ZNF536: variants seen among roughly 807,000 people sequenced by gnomAD.
ZNF536 encodes zinc finger protein 536.
Under a neutral mutation model 84.5 loss-of-function variants are expected in ZNF536, and 13 were observed. That is an observed-to-expected ratio of 0.15 (90% CI 0.10 to 0.24). The LOEUF (loss-of-function observed/expected upper bound fraction) is 0.24, where lower values mean the gene tolerates loss of function less well. Among genes scored for constraint, ZNF536 ranks in the 10% least tolerant of loss-of-function variants. ZNF536 has a pLI of 1.00. For synonymous variants in ZNF536, 811 were observed against 742.5 expected (o/e 1.09, Z -1.50); for missense variants, 1,536 against 1,747.5 (o/e 0.88, Z 2.16).
At chr19:30,342,682 T>G (rs2047600932) in intron 2 of ZNF536, among the ~76,000 whole-genome samples, 1 of 152,188 alleles carries the variant, frequency 6.6e-6, no homozygotes, top group Non-Finnish European at 1.5e-5. Flanking sequence ...ATTCTGAACC[T>G]AAGATAATGC....
chr19:30,248,034 G>A (rs1309605496), intron 1 of ZNF536, among the ~76,000 whole-genome samples: 1 of 152,010 alleles, frequency 6.6e-6, no homozygotes, highest in Non-Finnish European at 1.5e-5. Context: ...GAAGTGAACC[G>A]ACCTGGCCCT....
At position 30,689,429 on chromosome 19, in the gene ZNF536, T is replaced by C. The variant is rs139969443; in HGVS notation, c.170-21328T>C. Among the ~76,000 whole-genome samples, 38 of 152,286 alleles carry C rather than the reference T, an allele frequency of 2.5e-4. 1 individual carries two copies. In the East Asian group the frequency reaches 6.6e-3, roughly 26 times the overall value. ...GCATACCCTGTCCAAACAGGAACAT[T>C]TTCTTTCAGGAAATGCTCATTGCTG... On this transcript the variant is annotated intron_variant, in intron 1 of 1. Transcript: ENST00000592773.
intron 1 of ZNF536, among the ~76,000 whole-genome samples, chr19:30,710,092 TA>T (rs1228248622): frequency 6.6e-6 from 1 of 152,256 alleles, no homozygotes; most frequent in Non-Finnish European, 1.5e-5. Context: ...AGTTGAGGAA[TA>T]TTTGTTTCCT....
intron 3 of ZNF536, among the ~76,000 whole-genome samples, chr19:30,362,970 A>G (rs2048320561): frequency 6.6e-6 from 1 of 152,118 alleles, no homozygotes. Flanking sequence ...GAGGCCAGAG[A>G]ATCGCTTGAA....
chr19:30,481,854 G>A (rs530234321), intron 2 of ZNF536, among the ~76,000 whole-genome samples: 8 of 151,532 alleles, frequency 5.3e-5, no homozygotes, highest in East Asian at 1.9e-4. Context: ...AAAGTCCATC[G>A]TATCATTCTT....
intron 2 of ZNF536, among the ~76,000 whole-genome samples, chr19:30,452,969 G>T (rs552438153): frequency 1.4e-5 from 2 of 142,848 alleles, no homozygotes; most frequent in South Asian, 4.8e-4. Flanking sequence ...TCCAAGAGGG[G>T]TGCATGGTGT....
At chr19:30,278,301 C>T (rs1391213321) in intron 1 of ZNF536, among the ~76,000 whole-genome samples, 5 of 152,050 alleles carry the variant, frequency 3.3e-5, no homozygotes, top group Non-Finnish European at 5.9e-5. Flanking sequence ...TGAATTGGCT[C>T]GTTTGAGTGG....
intron 1 of ZNF536, among the ~76,000 whole-genome samples, chr19:30,423,268 C>A (rs1385081185): frequency 6.6e-6 from 1 of 151,938 alleles, no homozygotes; most frequent in Non-Finnish European, 1.5e-5. Flanking sequence ...TCCATTCATC[C>A]ATCTACCACC....
intron 3 of ZNF536, among the ~76,000 whole-genome samples, chr19:30,542,974 C>G (rs1335356085): frequency 6.6e-6 from 1 of 152,064 alleles, no homozygotes; most frequent in African/African-American, 2.4e-5. Context: ...ACCACACCTG[C>G]TTAATTTTTA....
chr19:30,360,473 G>C (rs2048239098), intron 3 of ZNF536, among the ~76,000 whole-genome samples: 1 of 152,222 alleles, frequency 6.6e-6, no homozygotes, highest in Non-Finnish European at 1.5e-5. Context: ...TTTTGTTGCT[G>C]CATGCATGGA....
intron 2 of ZNF536, among the ~76,000 whole-genome samples, chr19:30,512,054 G>C (rs2055435645): frequency 6.6e-6 from 1 of 152,164 alleles, no homozygotes; most frequent in Non-Finnish European, 1.5e-5. Flanking sequence ...ATATGGCAAA[G>C]CTTTTATGGA....
chr19:30,384,203 CCAT>C (rs2049223808), intron 1 of ZNF536, among the ~76,000 whole-genome samples: 1 of 43,222 alleles, frequency 2.3e-5, no homozygotes, highest in African/African-American at 8.4e-5. Flanking sequence ...TTCCTTCCTT[CCAT>C]CCTCCCTCCC....
At chr19:30,628,430 C>CT (rs35554742) in intron 1 of ZNF536, among the ~76,000 whole-genome samples, 115,341 of 139,300 alleles carry the variant, frequency 0.83, 48,117 homozygotes, top group East Asian at 0.98. Context: ...CCAGTAGTCA[C>CT]TTTTTTTTTT....
intron 1 of ZNF536, among the ~76,000 whole-genome samples, chr19:30,594,817 C>T (rs764752332): frequency 6.6e-6 from 1 of 152,092 alleles, no homozygotes; most frequent in Non-Finnish European, 1.5e-5. Flanking sequence ...GTCTGAGCCA[C>T]GCTGGCACAG....
At chr19:30,593,638 G>A (rs761526580) in intron 1 of ZNF536, among the ~76,000 whole-genome samples, 1 of 152,180 alleles carries the variant, frequency 6.6e-6, no homozygotes, top group Non-Finnish European at 1.5e-5. Flanking sequence ...AAGAGTCCGC[G>A]GGCAACAGAG....
At chr19:30,326,799 T>TTTTTTTG (rs1472847638) in intron 2 of ZNF536, among the ~76,000 whole-genome samples, 7 of 122,250 alleles carry the variant, frequency 5.7e-5, no homozygotes, top group African/African-American at 1.1e-4. Flanking sequence ...AGCTTTTTTT[T>TTTTTTTG]TTTTTTTTTT....
At chr19:30,449,793 C>T (rs778180659) in intron 2 of ZNF536, among the ~76,000 whole-genome samples, 13 of 152,194 alleles carry the variant, frequency 8.5e-5, no homozygotes, top group Non-Finnish European at 1.8e-4. Context: ...CTTGCGAGGT[C>T]TTCTTTTGTT....
At chr19:30,539,455 T>G (rs775375553) in intron 3 of ZNF536, among the ~76,000 whole-genome samples, 1 of 152,182 alleles carries the variant, frequency 6.6e-6, no homozygotes, top group African/African-American at 2.4e-5. Flanking sequence ...AACACCCCCA[T>G]GGACACACCC....
At chr19:30,484,177 T>C (rs1447241981) in intron 2 of ZNF536, among the ~76,000 whole-genome samples, 1 of 151,612 alleles carries the variant, frequency 6.6e-6, no homozygotes, top group African/African-American at 2.4e-5. Context: ...GATGAATGTA[T>C]GTCCCAGAAA....
Sources: gnomAD v4.1 joint callset for allele counts (sites outside exome capture counted in the v4.1 genomes callset) on GRCh38, gnomAD v4.1.1 for gene constraint, MANE v1.5 for transcripts, NCBI Gene and HGNC (gene_info 2026-07-23, HGNC 2026-07-21) for gene names.